Variants in ARHGAP10 observed in about 807,000 individuals in gnomAD.
ARHGAP10 encodes Rho GTPase activating protein 10.
Under a neutral mutation model 108.6 loss-of-function variants are expected in ARHGAP10, and 87 were observed. The observed-to-expected ratio is 0.80, with a 90% confidence interval of 0.67 to 0.96. The LOEUF (loss-of-function observed/expected upper bound fraction) is 0.96, where lower values mean the gene tolerates loss of function less well. Ranked by LOEUF, ARHGAP10 falls within the 40% of genes least tolerant of loss-of-function variation. ARHGAP10 has a pLI of 0.00. For synonymous variants in ARHGAP10, 347 were observed against 341.1 expected (o/e 1.02, Z -0.19); for missense variants, 939 against 954.5 (o/e 0.98, Z 0.21).
In ARHGAP10 at chr4:147,837,649, T is replaced by TTTTTTTTTG. The variant is rs1553955198; in HGVS notation, c.313-9494_313-9493insGTTTTTTTT. Among the ~76,000 whole-genome samples, 11 of 132,134 alleles carry TTTTTTTTTG rather than the reference T, an allele frequency of 8.3e-5. 1 individual carries two copies. The highest frequency in any genetic ancestry group is 2.8e-4 in the African/African-American group (11 of 39,078). The allele number at this position is 132,134 out of a possible 152,430, so 86.7% of individuals were successfully genotyped here. A position where few individuals can be genotyped will look rare whatever the true frequency, so the allele number is the denominator to read the frequency against. ...GCTAGAATCTCTGGTCACTGTTTTT[T>TTTTTTTTTG]TTTTTTTTTTTTTAAAGCAGTAGCT... On this transcript the variant is annotated intron_variant, in intron 3 of 22. Transcript: ENST00000336498.
rs145407935 is a variant in ARHGAP10 at position 147,889,262 on chromosome 4, A to G, written c.1034+7330A>G. On this transcript the variant is annotated intron_variant, in intron 10 of 22. Transcript: ENST00000336498. ...GTTGTGGAGTTTGTGGGTATTATAA[A>G]TGGATTTCTGATGCAGTTTGTACAA... is the stretch of plus-strand genomic sequence containing the variant. Among the ~76,000 whole-genome samples the G allele has an allele frequency of 1.3e-4, 20 of 152,226 alleles. No individual in the cohort carries two copies. In the East Asian group the frequency reaches 3.9e-3, roughly 29 times the overall value.
At chr4:147,879,210 A>T (rs773260588) in intron 8 of ARHGAP10, 22 bp from the exon 9 acceptor site, 1 of 1,596,724 alleles carries the variant, frequency 6.3e-7, no homozygotes, top group Admixed American at 1.8e-5. Context: ...GGAAAATATA[A>T]AGGGCTGTTT....
rs532313821 is a variant in ARHGAP10, at chr4:147,982,900, C to T, written c.1716+16061C>T. Reference sequence around the variant, plus strand: ...TACTTTCTTTTTTTTCCTGAATTTTCGAGACAGGGTCTTACTCTCGCCCAG... The same window carrying T: ...TACTTTCTTTTTTTTCCTGAATTTTTGAGACAGGGTCTTACTCTCGCCCAG... On this transcript the variant is annotated intron_variant, in intron 18 of 22. Coordinates refer to ENST00000336498, the MANE Select transcript of ARHGAP10 (RefSeq NM_024605.4). Among the ~76,000 whole-genome samples the T allele has an allele frequency of 7.3e-5, 11 of 150,556 alleles. No individual in the cohort carries two copies. In the East Asian group the frequency reaches 9.9e-4, roughly 14 times the overall value.
intron 11 of ARHGAP10, among the ~76,000 whole-genome samples, chr4:147,909,102 T>C (rs1036441): frequency 0.94 from 143,855 of 152,266 alleles, 68,418 homozygotes; most frequent in Non-Finnish European, 1. Flanking sequence ...TGGGGGTTCC[T>C]GTGAACCCCT....
intron 18 of ARHGAP10, among the ~76,000 whole-genome samples, chr4:147,984,134 G>A (rs1212174164): frequency 6.6e-6 from 1 of 152,108 alleles, no homozygotes; most frequent in African/African-American, 2.4e-5. Flanking sequence ...TTGTAGGGGT[G>A]TAATTTTGTT....
intron 3 of ARHGAP10, among the ~76,000 whole-genome samples, chr4:147,830,891 G>A (rs17023928): frequency 0.14 from 21,412 of 152,252 alleles, 2,139 homozygotes; most frequent in African/African-American, 0.29. Context: ...CTAAAAGAAT[G>A]TATGATGGTT....
chr4:148,006,796 TACCCTCTCTTCATATTGTCTC>T (rs1320060540), intron 18 of ARHGAP10, among the ~76,000 whole-genome samples: 1 of 152,212 alleles, frequency 6.6e-6, no homozygotes, highest in African/African-American at 2.4e-5. Context: ...GGTGATTAGT[TACCCTCTCTTCATATTGTCTC>T]ACCCTATCAA....
At chr4:148,047,178 C>A in intron 20 of ARHGAP10, 127 bp downstream of exon 20, 1 of 1,135,568 alleles carries the variant, frequency 8.8e-7, no homozygotes, top group East Asian at 2.6e-5. Context: ...GTTTTCTTAT[C>A]AGAAGGGCCA....
At chr4:148,030,247 G>A (rs1728085935) in intron 19 of ARHGAP10, among the ~76,000 whole-genome samples, 1 of 152,162 alleles carries the variant, frequency 6.6e-6, no homozygotes, top group Non-Finnish European at 1.5e-5. Flanking sequence ...TCCCTGTGGA[G>A]TGGGTTTTTT....
At chr4:147,986,371 G>C (rs1356453030) in intron 18 of ARHGAP10, among the ~76,000 whole-genome samples, 1 of 152,170 alleles carries the variant, frequency 6.6e-6, no homozygotes, top group Non-Finnish European at 1.5e-5. Context: ...TCCAAAGCCT[G>C]TCCCTTAGCT....
At chr4:147,798,383 A>G (rs1731400919) in intron 1 of ARHGAP10, among the ~76,000 whole-genome samples, 1 of 152,264 alleles carries the variant, frequency 6.6e-6, no homozygotes, top group Middle Eastern at 3.4e-3. Context: ...GTTAGAGGTC[A>G]TCTTATAGAC....
intron 1 of ARHGAP10, among the ~76,000 whole-genome samples, chr4:147,747,401 T>A (rs1342881120): frequency 6.6e-6 from 1 of 152,214 alleles, no homozygotes; most frequent in African/African-American, 2.4e-5. Context: ...AGCTAACTAC[T>A]TAGGTTCAAC....
At chr4:147,998,458 A>G (rs561744967) in intron 18 of ARHGAP10, among the ~76,000 whole-genome samples, 1 of 152,250 alleles carries the variant, frequency 6.6e-6, no homozygotes, top group Non-Finnish European at 1.5e-5. Context: ...ACTGGTCTAC[A>G]CCATAGTGAA....
intron 7 of ARHGAP10, among the ~76,000 whole-genome samples, chr4:147,870,552 A>T (rs565121809): frequency 8.6e-6 from 1 of 116,050 alleles, no homozygotes; most frequent in East Asian, 2.7e-4. Context: ...GTATTGTAAA[A>T]GTGGCTAGAC....
rs139493903 is a variant in ARHGAP10, at chr4:147,810,539, T to C, written c.155-12188T>C. Among the ~76,000 whole-genome samples, 38 of 152,340 alleles carry C rather than the reference T, an allele frequency of 2.5e-4. No individual in the cohort carries two copies. In the East Asian group the frequency reaches 7.3e-3, roughly 29 times the overall value. ...TAACCATCTGAACGTTTACATCTCATCTTTAATACAAATTCTGGAAGTGGT... is the reference window on the plus strand; with the variant it reads ...TAACCATCTGAACGTTTACATCTCACCTTTAATACAAATTCTGGAAGTGGT... On this transcript the variant is annotated intron_variant, in intron 1 of 22. Transcript: ENST00000336498.
chr4:147,776,337 A>G (rs527784310), intron 1 of ARHGAP10, among the ~76,000 whole-genome samples: 8 of 152,242 alleles, frequency 5.3e-5, no homozygotes, highest in Admixed American at 2.0e-4. Context: ...CTCCTGCCTC[A>G]GACTCCTGAG....
intron 10 of ARHGAP10, among the ~76,000 whole-genome samples, chr4:147,896,916 C>CT (rs1317506504): frequency 2.6e-5 from 4 of 151,896 alleles, no homozygotes; most frequent in Non-Finnish European, 4.4e-5. Context: ...AATATTATTG[C>CT]TTTTTTTCTA....
At chr4:148,061,334 AAT>A (rs1729611872) in intron 20 of ARHGAP10, among the ~76,000 whole-genome samples, 1 of 152,144 alleles carries the variant, frequency 6.6e-6, no homozygotes, top group African/African-American at 2.4e-5. Context: ...AAGCACCTTG[AAT>A]AATTGCTGGG....
chr4:147,754,977 G>T (rs932990586), intron 1 of ARHGAP10, among the ~76,000 whole-genome samples: 3 of 151,894 alleles, frequency 2.0e-5, no homozygotes, highest in African/African-American at 7.3e-5. Context: ...AGCTACTTGA[G>T]AGGCTGAGGC....
Sources: allele counts gnomAD v4.1 joint callset (sites outside exome capture counted in the v4.1 genomes callset), GRCh38; gene constraint gnomAD v4.1.1; transcripts MANE v1.5; gene names NCBI Gene and HGNC (gene_info 2026-07-23, HGNC 2026-07-21).